The following NTNG1 variants were observed in gnomAD, a reference collection of about 807,000 sequenced individuals.
NTNG1 encodes the protein netrin G1, also known as netrin-G1.
In NTNG1, 16 loss-of-function variants were observed where a neutral mutation model predicts 54.0. That is an observed-to-expected ratio of 0.30 (90% CI 0.20 to 0.45). NTNG1 has a LOEUF of 0.45. NTNG1 is among the 20% of genes least tolerant of loss of function. NTNG1 has a pLI of 1.00. For missense variants in NTNG1, 530 were observed against 678.7 expected, an observed-to-expected ratio of 0.78 and a Z score of 2.43; for synonymous variants, 255 against 263.1, an observed-to-expected ratio of 0.97 and a Z score of 0.30.
intron 2 of NTNG1, among the ~76,000 whole-genome samples, chr1:107,164,382 T>C (rs892843835): frequency 3.9e-5 from 6 of 152,234 alleles, no homozygotes; most frequent in Non-Finnish European, 7.3e-5. Context: ...AAAGCTGTTG[T>C]AATCCATACA....
intron 2 of NTNG1, among the ~76,000 whole-genome samples, chr1:107,308,235 T>A (rs576783087): frequency 5.9e-5 from 9 of 152,340 alleles, no homozygotes; most frequent in African/African-American, 1.9e-4. Context: ...CCTGTTCCTA[T>A]GTCCAGAATG....
intron 2 of NTNG1, among the ~76,000 whole-genome samples, chr1:107,249,288 C>A (rs1319561188): frequency 6.6e-6 from 1 of 151,644 alleles, no homozygotes; most frequent in Middle Eastern, 3.2e-3. Flanking sequence ...GAGTTCGAGA[C>A]CAGCCTCAAC....
intron 4 of NTNG1, among the ~76,000 whole-genome samples, chr1:107,407,250 C>A (rs1673486590): frequency 6.6e-6 from 1 of 152,128 alleles, no homozygotes; most frequent in Non-Finnish European, 1.5e-5. Context: ...AGGTCTATTG[C>A]ATATGTGAAT....
chr1:107,303,424 G>A (rs769240542), intron 2 of NTNG1, among the ~76,000 whole-genome samples: 3 of 152,012 alleles, frequency 2.0e-5, no homozygotes, highest in Non-Finnish European at 2.9e-5. Flanking sequence ...AGATTTATCC[G>A]ACAAGTAAGA....
chr1:107,436,803 A>G lies in NTNG1; in HGVS notation c.1390+4A>G. Reference sequence around the variant, plus strand: ...TCCTGGCACTACGGCTGTCAACGTAAGTAACTCTGGGAGCTGCCCTCTGCC... The same window carrying G: ...TCCTGGCACTACGGCTGTCAACGTAGGTAACTCTGGGAGCTGCCCTCTGCC... On this transcript the variant is annotated splice_donor_region_variant and intron_variant, in intron 7 of 7. Transcript: ENST00000370068. The G allele has an allele frequency of 6.2e-7, 1 of 1,613,282 alleles. No individual in the cohort carries two copies. The highest frequency in any genetic ancestry group is 8.5e-7 in the Non-Finnish European group (1 of 1,179,506).
At chr1:107,261,446 A>C (rs1663317593) in intron 2 of NTNG1, among the ~76,000 whole-genome samples, 1 of 152,114 alleles carries the variant, frequency 6.6e-6, no homozygotes, top group African/African-American at 2.4e-5. Flanking sequence ...TGCATGTTTC[A>C]CAGGATTTAA....
Position 107,141,851 on chromosome 1 carries a change from C to T in NTNG1, c.-526+711C>T, listed in dbSNP as rs1485588386. Among the ~76,000 whole-genome samples the T allele has an allele frequency of 2.6e-5, 4 of 152,268 alleles. No individual in the cohort carries two copies. The East Asian group carries it at 7.7e-4, about 29-fold the overall frequency. ...CTCAGGCGGCTTGTCGTTATTTTTT[C>T]TTTCTTTCGCCAATTATATTTGTTT... is the stretch of plus-strand genomic sequence containing the variant. On this transcript the variant is annotated intron_variant, in intron 1 of 7. Transcript: ENST00000370068.
intron 7 of NTNG1, among the ~76,000 whole-genome samples, chr1:107,450,067 A>T (rs1055018881): frequency 2.0e-5 from 3 of 152,090 alleles, no homozygotes; most frequent in African/African-American, 7.2e-5. Context: ...ATTCCTGTTT[A>T]TGTTCAGTTA....
intron 2 of NTNG1, among the ~76,000 whole-genome samples, chr1:107,243,208 A>G (rs1008651255): frequency 6.6e-6 from 1 of 152,228 alleles, no homozygotes; most frequent in Non-Finnish European, 1.5e-5. Context: ...TTGTTATAAC[A>G]TCAGTGGTTG....
chr1:107,214,329 C>T (rs1243137445), intron 2 of NTNG1, among the ~76,000 whole-genome samples: 1 of 152,098 alleles, frequency 6.6e-6, no homozygotes, highest in Non-Finnish European at 1.5e-5. Flanking sequence ...CCTTTGTGTC[C>T]TCATAGCTTA....
chr1:107,388,070 C>T (rs140710924), intron 3 of NTNG1, among the ~76,000 whole-genome samples: 1 of 152,268 alleles, frequency 6.6e-6, no homozygotes, highest in East Asian at 1.9e-4. Flanking sequence ...TCAACAGATT[C>T]TATGTTCTTG....
At chr1:107,300,991 T>C (rs1469886245) in intron 2 of NTNG1, among the ~76,000 whole-genome samples, 3 of 152,148 alleles carry the variant, frequency 2.0e-5, no homozygotes, top group Non-Finnish European at 4.4e-5. Flanking sequence ...TTTTCTTTTT[T>C]TCTACCTAAA....
chr1:107,377,853 G>A (rs1035062218), intron 3 of NTNG1, among the ~76,000 whole-genome samples: 7 of 152,222 alleles, frequency 4.6e-5, no homozygotes, highest in African/African-American at 1.2e-4. Flanking sequence ...TCAAGCTGAA[G>A]TCCCTGCACT....
chr1:107,216,798 C>T (rs1659992185), intron 2 of NTNG1, among the ~76,000 whole-genome samples: 1 of 152,030 alleles, frequency 6.6e-6, no homozygotes, highest in South Asian at 2.1e-4. Context: ...CTGCCTCAGC[C>T]TCCCAAGTAG....
intron 6 of NTNG1, among the ~76,000 whole-genome samples, chr1:107,432,430 G>A (rs946349092): frequency 1.3e-5 from 2 of 152,192 alleles, no homozygotes; most frequent in Non-Finnish European, 2.9e-5. Context: ...AATTAGCAAA[G>A]CTAAGCTTGT....
chr1:107,188,272 T>G (rs979833469), intron 2 of NTNG1, among the ~76,000 whole-genome samples: 1 of 152,148 alleles, frequency 6.6e-6, no homozygotes, highest in Non-Finnish European at 1.5e-5. Context: ...ATATGTTGCC[T>G]GGCTGCAGCA....
chr1:107,195,931 G>A (rs992860099), intron 2 of NTNG1, among the ~76,000 whole-genome samples: 8 of 151,738 alleles, frequency 5.3e-5, no homozygotes, highest in African/African-American at 1.9e-4. Flanking sequence ...TTTCTCCTTA[G>A]CATTTACCAG....
chr1:107,251,371 T>G (rs1662594262), intron 2 of NTNG1, among the ~76,000 whole-genome samples: 1 of 152,230 alleles, frequency 6.6e-6, no homozygotes, highest in Non-Finnish European at 1.5e-5. Flanking sequence ...GTTTCTCTAC[T>G]TGTATTCCAG....
intron 3 of NTNG1, among the ~76,000 whole-genome samples, chr1:107,339,236 C>T (rs1023926434): frequency 1.3e-5 from 2 of 152,032 alleles, no homozygotes; most frequent in African/African-American, 4.8e-5. Flanking sequence ...CTTCTCCAGC[C>T]GTTGTTAATT....
Sources: gnomAD v4.1 joint callset for allele counts (sites outside exome capture counted in the v4.1 genomes callset) on GRCh38, gnomAD v4.1.1 for gene constraint, MANE v1.5 for transcripts, NCBI Gene and HGNC (gene_info 2026-07-23, HGNC 2026-07-21) for gene names.